MAPK12: variants seen among roughly 807,000 people sequenced by gnomAD.
MAPK12 encodes the protein mitogen-activated protein kinase 12, also known as MAP kinase 12.
Under a neutral mutation model 49.1 loss-of-function variants are expected in MAPK12, and 49 were observed. The ratio of observed to expected loss-of-function variants is 1.00; its 90% CI spans 0.79 to 1.27. The LOEUF is 1.27. MAPK12 is among the 50% of genes most tolerant of loss of function. MAPK12 has a pLI of 0.00. For missense variants in MAPK12, 554 were observed against 502.4 expected (o/e 1.10, Z -0.98); for synonymous variants, 251 against 209.7 (o/e 1.20, Z -1.70).
rs1012679542 is a variant in MAPK12 at position 50,253,220 on chromosome 22, C to T, written c.*181G>A. 1.5e-6 allele frequency: 1 copy of T among 650,916 alleles called. No homozygotes were observed. Among genetic ancestry groups the T allele is most frequent in the Non-Finnish European group, 2.8e-6 (1 of 356,188 alleles). 40.3% of individuals were successfully genotyped at this position (650,916 alleles called of 1,614,324 possible). Reference sequence around the variant, plus strand: ...TGTCCAGAAAGTTCAGGTGCTCCTCCATGATGGGCGCCCAAGAGCAGAGGC... The same window carrying T: ...TGTCCAGAAAGTTCAGGTGCTCCTCTATGATGGGCGCCCAAGAGCAGAGGC... On this transcript the variant is annotated 3_prime_UTR_variant, in exon 12 of 12. Coordinates refer to ENST00000215659, the MANE Select transcript of MAPK12 (RefSeq NM_002969.6).
At chr22:50,255,578 G>GCCCCCCCCCCCCCCCCCCACCCCCCCCAC in intron 9 of MAPK12, 37 bp downstream of exon 9, 1 of 1,582,018 alleles carries the variant, frequency 6.3e-7, no homozygotes, top group Non-Finnish European at 8.7e-7. Context: ...GCCCAGGTCC[G>GCCCCCCCCCCCCCCCCCCACCCCCCCCAC]CCCCCACCCC....
At position 50,261,387 on chromosome 22, in the gene MAPK12, C is replaced by G; in HGVS notation, c.123G>C (p.Val41=). 3.3e-6 allele frequency: 4 copies of G among 1,203,298 alleles called. No homozygotes were observed. Among genetic ancestry groups the G allele is most frequent in the Non-Finnish European group, 4.2e-6 (4 of 951,034 alleles). The allele number at this position is 1,203,298 out of a possible 1,614,324, so 74.5% of individuals were successfully genotyped here. A position where few individuals can be genotyped will look rare whatever the true frequency, so the allele number is the denominator to read the frequency against. ...QPVGSGAYGA[V]CSAVDGRTGA... ...CGCCCCGCCCGGCCCGCGCTCACCA[C>G]ACCGCGCCGTAGGCGCCCGAGCCCA... is the stretch of plus-strand genomic sequence containing the variant. The change falls in exon 1 of 12, where the codon GTG becomes GTC. Residue 41 remains valine, a splice_region_variant and synonymous_variant. Coordinates refer to ENST00000215659, the MANE Select transcript of MAPK12 (RefSeq NM_002969.6).
intron 6 of MAPK12, 49 bp downstream of exon 6, chr22:50,256,550 A>C: frequency 1.3e-6 from 2 of 1,590,672 alleles, no homozygotes; most frequent in Non-Finnish European, 8.6e-7. Context: ...GGGCAGATCC[A>C]GAGGGGGCCC....
rs905756685 is a variant in MAPK12, at chr22:50,258,077, G to A, written c.314+166C>T. The A allele has an allele frequency of 5.2e-5, 38 of 731,700 alleles. No homozygotes were observed. In the African/African-American group the frequency reaches 6.5e-4, roughly 13 times the overall value. 45.3% of individuals were successfully genotyped at this position (731,700 alleles called of 1,614,324 possible). On this transcript the variant is annotated intron_variant, in intron 3 of 11. Transcript: ENST00000215659. ...GTGCCCGTGGGTCCCAGGACCATGT[G>A]GGGGAGGGCGTGGGGTGGACAGTGG...
At chr22:50,256,051 C>A in intron 7 of MAPK12, 34 bp downstream of exon 7, 4 of 1,583,674 alleles carry the variant, frequency 2.5e-6, no homozygotes, top group South Asian at 1.1e-5. Context: ...GATGGTGCAG[C>A]CTGAGAGGCC....
Position 50,261,472 on chromosome 22 carries a change from CG to C in MAPK12, c.37del (p.Arg13AlafsTer4). On this transcript the variant is annotated frameshift_variant, in exon 1 of 12. Coordinates refer to ENST00000215659, the MANE Select transcript of MAPK12 (RefSeq NM_002969.6). LOFTEE classifies it high-confidence loss of function. ...SPPPARSGFY[R>X]QEVTKTAWEV... ...CCAGGCCGTCTTGGTCACCTCCTGG[CG>C]GTAAAAGCCACTGCGGGCGGGCGGC... The C allele has an allele frequency of 7.9e-7, 1 of 1,273,676 alleles. No individual in the cohort carries two copies. Among genetic ancestry groups the C allele is most frequent in the Non-Finnish European group, 1.0e-6 (1 of 986,146 alleles). The allele number at this position is 1,273,676 out of a possible 1,614,324, so 78.9% of individuals were successfully genotyped here. A position where few individuals can be genotyped will look rare whatever the true frequency, so the allele number is the denominator to read the frequency against.
At position 50,255,509 on chromosome 22, in the gene MAPK12, AG is replaced by A; in HGVS notation, c.793del (p.Leu265SerfsTer13). On this transcript the variant is annotated frameshift_variant, in exon 10 of 12. Transcript: ENST00000215659. LOFTEE classifies it high-confidence loss of function. ...AAAATCCTTCTTCTCCAATTCGGGG[AG>A]GCCCTTCATGTAGTTCTTGGCCTGT... ...SDEAKNYMKG[L>X]PELEKKDFAS... 6.2e-7 allele frequency: 1 copy of A among 1,613,164 alleles called. No homozygotes were observed. The highest frequency in any genetic ancestry group is 8.5e-7 in the Non-Finnish European group (1 of 1,180,010).
At chr22:50,257,000 A>G in intron 4 of MAPK12, 36 bp from the exon 5 acceptor site, 3 of 1,603,212 alleles carry the variant, frequency 1.9e-6, no homozygotes, top group Non-Finnish European at 1.7e-6. Context: ...GCTTCAGCGC[A>G]CCCTCTCAGA....
Position 50,261,148 on chromosome 22 carries a change from G to A in MAPK12, c.255+19C>T. 1 of 1,569,266 alleles carries A rather than the reference G, an allele frequency of 6.4e-7. No homozygotes were observed. Among genetic ancestry groups the A allele is most frequent in the Non-Finnish European group, 8.6e-7 (1 of 1,157,104 alleles). ...GCCGAGGCCGCGGCGCCTTCCCGGA[G>A]CGGGGCCGCGCGACTCACGTTCTCG... On this transcript the variant is annotated intron_variant, in intron 2 of 11. Coordinates refer to ENST00000215659, the MANE Select transcript of MAPK12 (RefSeq NM_002969.6).
chr22:50,256,058 G>A (rs1311219989), intron 7 of MAPK12, 27 bp downstream of exon 7: 5 of 1,583,624 alleles, frequency 3.2e-6, no homozygotes, highest in Middle Eastern at 3.4e-4. Flanking sequence ...CAGCCTGAGA[G>A]GCCCAGATCT....
At position 50,255,449 on chromosome 22, in the gene MAPK12, G is replaced by A. The variant is rs377128484; in HGVS notation, c.850+4C>T. The A allele has an allele frequency of 4.5e-5, 73 of 1,613,004 alleles. No homozygotes were observed. In the East Asian group the frequency reaches 6.5e-4, roughly 14 times the overall value. On this transcript the variant is annotated splice_donor_region_variant and intron_variant, in intron 10 of 11. Coordinates refer to ENST00000215659, the MANE Select transcript of MAPK12 (RefSeq NM_002969.6). Reference sequence around the variant, plus strand: ...CCGGTGGCCCCCACACTAGCCAGCCGTACCCAGAGGGCTTGCATTGGTCAG... The same window carrying A: ...CCGGTGGCCCCCACACTAGCCAGCCATACCCAGAGGGCTTGCATTGGTCAG...
At chr22:50,261,342 G>A (rs1476298696) in intron 1 of MAPK12, 43 bp downstream of exon 1, 64 of 1,151,404 alleles carry the variant, frequency 5.6e-5, no homozygotes, top group Non-Finnish European at 6.5e-5. Flanking sequence ...CCCCGCGCAG[G>A]CCCCGCCCGC....
chr22:50,253,151 C>G lies in MAPK12; in HGVS notation c.*250G>C. The G allele has an allele frequency of 5.6e-6, 3 of 538,150 alleles. No individual in the cohort carries two copies. Among genetic ancestry groups the G allele is most frequent in the Non-Finnish European group, 1.0e-5 (3 of 296,446 alleles). The allele number at this position is 538,150 out of a possible 1,614,324, so 33.3% of individuals were successfully genotyped here. On this transcript the variant is annotated 3_prime_UTR_variant, in exon 12 of 12. Transcript: ENST00000215659. ...CTGAGAGCACCGGGCAAGTGGGCCA[C>G]TGCTCCAGGGATCAGAGGCCATCCC...
At chr22:50,259,629 C>A (rs1475767641) in intron 2 of MAPK12, among the ~76,000 whole-genome samples, 1 of 151,994 alleles carries the variant, frequency 6.6e-6, no homozygotes, top group Non-Finnish European at 1.5e-5. Flanking sequence ...ACGCCTGTAA[C>A]CCCAGCACTT....
chr22:50,259,201 A>C (rs1179068256), intron 2 of MAPK12, among the ~76,000 whole-genome samples: 1 of 152,176 alleles, frequency 6.6e-6, no homozygotes, highest in Non-Finnish European at 1.5e-5. Flanking sequence ...CGTGGGCCAG[A>C]GCCATGGGCA....
At position 50,255,858 on chromosome 22, in the gene MAPK12, T is replaced by C; in HGVS notation, c.643A>G (p.Ile215Val). ...TTGCCTGTGATCATCTCCGCCATGA[T>C]GCAGCCCACAGACCAGATGTCCACT... ...QTVDIWSVGC[I>V]MAEMITGKTL... Residue 215 changes from isoleucine (I) to valine (V), a missense_variant, in exon 8 of 12, where the codon ATC becomes GTC. Ile to Val is a conservative substitution (Grantham distance 29, BLOSUM62 3). Coordinates refer to ENST00000215659, the MANE Select transcript of MAPK12 (RefSeq NM_002969.6). 2 of 1,612,776 alleles carry C rather than the reference T, an allele frequency of 1.2e-6. No individual in the cohort carries two copies. The highest frequency in any genetic ancestry group is 1.7e-6 in the Non-Finnish European group (2 of 1,179,966).
intron 4 of MAPK12, 37 bp from the exon 5 acceptor site, chr22:50,257,001 C>G (rs753458500): frequency 2.5e-6 from 4 of 1,604,508 alleles, no homozygotes; most frequent in Admixed American, 1.7e-5. Context: ...CTTCAGCGCA[C>G]CCTCTCAGAG....
Position 50,258,310 on chromosome 22 carries a change from G to A in MAPK12, c.256-9C>T. The A allele has an allele frequency of 1.2e-6, 2 of 1,612,576 alleles. No individual in the cohort carries two copies. The highest frequency in any genetic ancestry group is 1.7e-6 in the Non-Finnish European group (2 of 1,179,624). ...TCCAGCAGCCCGATCACCTGGGGGGGCCACATAGGGTTGAGAATGCAGCAG... is the reference window on the plus strand; with the variant it reads ...TCCAGCAGCCCGATCACCTGGGGGGACCACATAGGGTTGAGAATGCAGCAG... On this transcript the variant is annotated splice_polypyrimidine_tract_variant and intron_variant, in intron 2 of 11. Coordinates refer to ENST00000215659, the MANE Select transcript of MAPK12 (RefSeq NM_002969.6).
rs1407183761 is a variant in MAPK12, at chr22:50,258,317, A to T, written c.256-16T>A. The T allele has an allele frequency of 6.2e-7, 1 of 1,611,824 alleles. No individual in the cohort carries two copies. Among genetic ancestry groups the T allele is most frequent in the East Asian group, 2.2e-5 (1 of 44,872 alleles). ...GCCCGATCACCTGGGGGGGCCACAT[A>T]GGGTTGAGAATGCAGCAGAGGACAC... On this transcript the variant is annotated splice_polypyrimidine_tract_variant and intron_variant, in intron 2 of 11. Coordinates refer to ENST00000215659, the MANE Select transcript of MAPK12 (RefSeq NM_002969.6).
Sources: allele counts gnomAD v4.1 joint callset (sites outside exome capture counted in the v4.1 genomes callset), GRCh38; gene constraint gnomAD v4.1.1; transcripts MANE v1.5; gene names NCBI Gene and HGNC (gene_info 2026-07-23, HGNC 2026-07-21).